ASB7: variants seen among roughly 807,000 people sequenced by gnomAD.
ASB7 encodes the protein ankyrin repeat and SOCS box protein 7.
In ASB7, 4 loss-of-function variants were observed where a neutral mutation model predicts 32.5. The ratio of observed to expected loss-of-function variants is 0.12; its 90% CI spans 0.06 to 0.28. The LOEUF (loss-of-function observed/expected upper bound fraction) is 0.28, where lower values mean the gene tolerates loss of function less well. ASB7 is among the 10% of genes least tolerant of loss of function. The probability of loss-of-function intolerance (pLI) is 1.00; values close to 1 mark genes in which losing one functional copy is unlikely to be tolerated. For synonymous variants in ASB7, 172 were observed against 155.6 expected, an observed-to-expected ratio of 1.11 and a Z score of -0.78; for missense variants, 181 against 407.1, an observed-to-expected ratio of 0.44 and a Z score of 4.78.
At chr15:100,606,886 G>T (rs534469716) in intron 2 of ASB7, among the ~76,000 whole-genome samples, 67 of 152,200 alleles carry the variant, frequency 4.4e-4, no homozygotes, top group African/African-American at 1.3e-3. Flanking sequence ...CGGGCGCGGT[G>T]GCTCACACCT....
At chr15:100,623,552 G>A (rs994574803) in intron 4 of ASB7, among the ~76,000 whole-genome samples, 1 of 152,220 alleles carries the variant, frequency 6.6e-6, no homozygotes, top group African/African-American at 2.4e-5. Flanking sequence ...TATCCCAGTT[G>A]TAATGGCTAC....
At chr15:100,624,421 T>C (rs577738993) in intron 4 of ASB7, among the ~76,000 whole-genome samples, 1 of 152,176 alleles carries the variant, frequency 6.6e-6, no homozygotes, top group Admixed American at 6.5e-5. Context: ...ATATACCCAG[T>C]AAACATGTAA....
In ASB7 at chr15:100,612,313, A is replaced by T; in HGVS notation, c.97A>T (p.Met33Leu). 1 of 1,614,060 alleles carries T rather than the reference A, an allele frequency of 6.2e-7. No homozygotes were observed. The highest frequency in any genetic ancestry group is 8.5e-7 in the Non-Finnish European group (1 of 1,179,952). Residue 33 changes from methionine (M) to leucine (L), a missense_variant, in exon 4 of 6, where the codon ATG becomes TTG. Coordinates refer to ENST00000332783, the MANE Select transcript of ASB7 (RefSeq NM_198243.3). Reference protein sequence around the residue: ...AAGDVHTVRKMLEQGYSPNGR... With the variant: ...AAGDVHTVRKLLEQGYSPNGR... ...TGGGGATGTCCACACAGTGCGAAAG[A>T]TGCTAGAACAAGGCTATTCCCCGAA... is the stretch of plus-strand genomic sequence containing the variant.
chr15:100,614,742 CAAAAAAAAAAAA>C (rs58705118), intron 4 of ASB7, among the ~76,000 whole-genome samples: 16 of 57,222 alleles, frequency 2.8e-4, no homozygotes, highest in Middle Eastern at 6.9e-3. Flanking sequence ...AGCTGATGAG[CAAAAAAAAAAAA>C]AAAAAAAGCA....
At chr15:100,617,964 C>A (rs527976278) in intron 4 of ASB7, among the ~76,000 whole-genome samples, 1 of 152,144 alleles carries the variant, frequency 6.6e-6, no homozygotes, top group South Asian at 2.1e-4. Flanking sequence ...ATCATGCCTC[C>A]CCCCACCCCC....
Position 100,603,047 on chromosome 15 carries a change from GTAA to G in ASB7, c.-273+2_-273+4del, listed in dbSNP as rs2039571635. 1 of 399,208 alleles carries G rather than the reference GTAA, an allele frequency of 2.5e-6. No homozygotes were observed. Among genetic ancestry groups the G allele is most frequent in the Non-Finnish European group, 4.4e-6 (1 of 226,604 alleles). 24.7% of individuals were successfully genotyped at this position (399,208 alleles called of 1,614,324 possible). ...AGAGAAGCAGCAGCTGAGGAGACAG[GTAA>G]AGTCCTTTACTTCCCCCGAGGGGAA... On this transcript the variant is annotated splice_donor_variant and splice_donor_region_variant and intron_variant, in intron 1 of 5. Coordinates refer to ENST00000332783, the MANE Select transcript of ASB7 (RefSeq NM_198243.3). LOFTEE classifies it low-confidence loss of function (5UTR_SPLICE).
At chr15:100,626,232 CATCTGACAA>C (rs2039835918) in intron 4 of ASB7, among the ~76,000 whole-genome samples, 1 of 152,140 alleles carries the variant, frequency 6.6e-6, no homozygotes. Context: ...TTACAAGACA[CATCTGACAA>C]AAGGCTTGTA....
At chr15:100,628,355 G>A (rs947173103) in intron 4 of ASB7, among the ~76,000 whole-genome samples, 1 of 152,132 alleles carries the variant, frequency 6.6e-6, no homozygotes, top group Non-Finnish European at 1.5e-5. Flanking sequence ...TAAACAATAC[G>A]TGAGTTTTCA....
At position 100,629,733 on chromosome 15, in the gene ASB7, C is replaced by T; in HGVS notation, c.508C>T (p.Leu170=). Residue 170 remains leucine, a synonymous_variant, in exon 5 of 6, where the codon CTG becomes TTG. Coordinates refer to ENST00000332783, the MANE Select transcript of ASB7 (RefSeq NM_198243.3). The surrounding 1 kb of genome is among the most constrained non-coding windows in gnomAD (Gnocchi z 6.8). ...GAGGTCAAGCTGTGTGAAAATCCTC[C>T]TGGACCACAATGCCAACATCGACAT... ...RERSSCVKIL[L]DHNANIDIQN... 1 of 1,614,242 alleles carries T rather than the reference C, an allele frequency of 6.2e-7. No individual in the cohort carries two copies. Among genetic ancestry groups the T allele is most frequent in the Non-Finnish European group, 8.5e-7 (1 of 1,180,030 alleles).
intron 5 of ASB7, among the ~76,000 whole-genome samples, chr15:100,641,901 A>C (rs980466141): frequency 2.0e-5 from 3 of 152,198 alleles, no homozygotes; most frequent in African/African-American, 7.2e-5. Flanking sequence ...TTATTATGAG[A>C]ACACAGGCAG....
At chr15:100,646,275 C>T (rs1404336472) in intron 5 of ASB7, 1 of 393,590 alleles carries the variant, frequency 2.5e-6, no homozygotes, top group Admixed American at 2.9e-5. Flanking sequence ...ACTTTCCTTC[C>T]AAGGACCAGA....
At position 100,648,470 on chromosome 15, in the gene ASB7, G is replaced by C; in HGVS notation, c.*8G>C. On this transcript the variant is annotated 3_prime_UTR_variant, in exon 6 of 6. Coordinates refer to ENST00000332783, the MANE Select transcript of ASB7 (RefSeq NM_198243.3). ...AAATTTGATGATATCTGATATGCCA[G>C]AACTGTGAGCAAGATTAGGAGTTCT... 3 of 1,597,532 alleles carry C rather than the reference G, an allele frequency of 1.9e-6. 1 individual carries two copies. In the South Asian group the frequency reaches 3.4e-5, roughly 18 times the overall value.
At chr15:100,632,154 G>A (rs559205127) in intron 5 of ASB7, among the ~76,000 whole-genome samples, 2 of 152,350 alleles carry the variant, frequency 1.3e-5, no homozygotes, top group South Asian at 4.1e-4. Flanking sequence ...AGATAGAAAT[G>A]TCAGTGGGGA....
At position 100,650,933 on chromosome 15, in the gene ASB7, C is replaced by T. The variant is rs1161828827; in HGVS notation, c.*2471C>T. Reference sequence around the variant, plus strand: ...CATTTGAATTGGATTCACAGAGAAGCATTCCATGGTCACATAATGAATAGG... The same window carrying T: ...CATTTGAATTGGATTCACAGAGAAGTATTCCATGGTCACATAATGAATAGG... On this transcript the variant is annotated 3_prime_UTR_variant, in exon 6 of 6. Coordinates refer to ENST00000332783, the MANE Select transcript of ASB7 (RefSeq NM_198243.3). 6.6e-6 allele frequency: 1 copy of T among 152,204 alleles called. No homozygotes were observed. The highest frequency in any genetic ancestry group is 1.9e-4 in the East Asian group (1 of 5,194). The allele number at this position is 152,204 out of a possible 1,614,324, so 9.4% of individuals were successfully genotyped here.
chr15:100,608,591 C>T (rs1333376810), intron 2 of ASB7, among the ~76,000 whole-genome samples: 2 of 152,184 alleles, frequency 1.3e-5, no homozygotes, highest in Non-Finnish European at 2.9e-5. Context: ...TGCTTTCTGG[C>T]ACCGTGTGAT....
intron 3 of ASB7, among the ~76,000 whole-genome samples, chr15:100,611,497 T>TTTTTTTTTTTTTTTTTTTTTTTTA (rs2039695381): frequency 1.4e-5 from 2 of 141,626 alleles, no homozygotes; most frequent in Non-Finnish European, 3.0e-5. Flanking sequence ...TTTTTTTTTT[T>TTTTTTTTTTTTTTTTTTTTTTTTA]GAGACAGAAT....
Position 100,612,351 on chromosome 15 carries a change from G to A in ASB7, c.135G>A (p.Ala45=), listed in dbSNP as rs550245996. The A allele has an allele frequency of 8.9e-5, 143 of 1,614,054 alleles. No individual in the cohort carries two copies. The highest frequency in any genetic ancestry group is 1.2e-4 in the Non-Finnish European group (137 of 1,180,002). The change falls in exon 4 of 6, where the codon GCG becomes GCA. Residue 45 remains alanine, a synonymous_variant. Transcript: ENST00000332783. ...GCTATTCCCCGAATGGCCGAGATGCGAATGGCTGGACTCTGCTTCATTTCT... is the reference window on the plus strand; with the variant it reads ...GCTATTCCCCGAATGGCCGAGATGCAAATGGCTGGACTCTGCTTCATTTCT... The part of the protein sequence containing the change: ...EQGYSPNGRD[A]NGWTLLHFSA...
At chr15:100,608,599 G>A (rs778024636) in intron 2 of ASB7, among the ~76,000 whole-genome samples, 6 of 152,274 alleles carry the variant, frequency 3.9e-5, no homozygotes, top group Middle Eastern at 3.4e-3. Flanking sequence ...GGCACCGTGT[G>A]ATGTTCCAGT....
intron 2 of ASB7, among the ~76,000 whole-genome samples, chr15:100,606,671 A>G (rs1017107587): frequency 6.6e-6 from 1 of 152,204 alleles, no homozygotes; most frequent in African/African-American, 2.4e-5. Flanking sequence ...AATATGGTCA[A>G]TAGTATTAAA....
Sources: allele counts gnomAD v4.1 joint callset (sites outside exome capture counted in the v4.1 genomes callset), GRCh38; gene constraint gnomAD v4.1.1; non-coding constraint Gnocchi (gnomAD v3.1); transcripts MANE v1.5; gene names NCBI Gene and HGNC (gene_info 2026-07-23, HGNC 2026-07-21).